Variants in CD300A observed in about 807,000 individuals in gnomAD.
CD300A encodes CMRF35-like molecule 8.
Under a neutral mutation model 33.6 loss-of-function variants are expected in CD300A, and 22 were observed. The ratio of observed to expected loss-of-function variants is 0.66; its 90% CI spans 0.47 to 0.94. CD300A has a LOEUF of 0.94. Among genes scored for constraint, CD300A ranks in the 40% least tolerant of loss-of-function variants. CD300A has a pLI of 0.00. For missense variants in CD300A, 326 were observed against 360.5 expected, an observed-to-expected ratio of 0.90 and a Z score of 0.77; for synonymous variants, 136 against 148.1, an observed-to-expected ratio of 0.92 and a Z score of 0.59.
At chr17:74,482,898 C>T (rs1024690834) in intron 6 of CD300A, among the ~76,000 whole-genome samples, 1 of 151,488 alleles carries the variant, frequency 6.6e-6, no homozygotes, top group African/African-American at 2.4e-5. Flanking sequence ...TTAGTAGAGA[C>T]GGGGCTTCAC....
chr17:74,483,424 C>A (rs1181338127), intron 6 of CD300A, among the ~76,000 whole-genome samples: 1 of 149,380 alleles, frequency 6.7e-6, no homozygotes, highest in Non-Finnish European at 1.5e-5. Context: ...GTGGTGCAAT[C>A]TTGGCCATTG....
At chr17:74,482,701 T>C (rs28547513) in intron 6 of CD300A, among the ~76,000 whole-genome samples, 12,335 of 109,768 alleles carry the variant, frequency 0.11, 934 homozygotes, top group South Asian at 0.22. Flanking sequence ...TTCCTTCCTT[T>C]CTTTCTTTCT....
At chr17:74,478,198 G>T (rs1191186038) in intron 4 of CD300A, among the ~76,000 whole-genome samples, 1 of 152,208 alleles carries the variant, frequency 6.6e-6, no homozygotes, top group Non-Finnish European at 1.5e-5. Flanking sequence ...GTGGTCCTCA[G>T]ACTTTCTTTT....
chr17:74,466,802 G>A, intron 1 of CD300A, 59 bp downstream of exon 1: 2 of 1,555,836 alleles, frequency 1.3e-6, no homozygotes, highest in Non-Finnish European at 1.7e-6. Flanking sequence ...GAGGGGCAGG[G>A]CCGCAGGGCA....
At position 74,466,740 on chromosome 17, in the gene CD300A, C is replaced by G. The variant is rs149797027; in HGVS notation, c.37C>G (p.Pro13Ala). ...LPWALLLLWVPGCFALSKCRT... is the reference protein window; with the variant it reads ...LPWALLLLWVAGCFALSKCRT... ...TTGGGCTCTGTTGCTTCTCTGGGTC[C>G]CAGGTGAGAGTTTCCCTTCCCGGGA... Residue 13 changes from proline (P) to alanine (A), a missense_variant, in exon 1 of 7, where the codon CCA becomes GCA. Pro to Ala is a conservative substitution (Grantham distance 27). Transcript: ENST00000360141. 4.5e-5 allele frequency: 72 copies of G among 1,591,924 alleles called. No homozygotes were observed. The African/African-American group carries it at 8.6e-4, about 19-fold the overall frequency.
chr17:74,467,169 T>G (rs916757603), intron 1 of CD300A, among the ~76,000 whole-genome samples: 111 of 25,294 alleles, frequency 4.4e-3, no homozygotes, highest in Middle Eastern at 0.031. Context: ...GAGGGGGGTG[T>G]GGGGAGGGTG....
chr17:74,473,011 C>G (rs978702409), intron 1 of CD300A, among the ~76,000 whole-genome samples: 4 of 151,980 alleles, frequency 2.6e-5, no homozygotes, highest in African/African-American at 9.7e-5. Flanking sequence ...TGCAGGGTTG[C>G]CCAGGGCTGG....
intron 4 of CD300A, among the ~76,000 whole-genome samples, chr17:74,478,185 A>C (rs552930371): frequency 5.3e-5 from 8 of 152,152 alleles, no homozygotes; most frequent in African/African-American, 1.9e-4. Flanking sequence ...GTGGACTCCA[A>C]CAGTGGTCCT....
chr17:74,474,253 C>T (rs1906313971), intron 2 of CD300A, among the ~76,000 whole-genome samples: 1 of 152,096 alleles, frequency 6.6e-6, no homozygotes. Context: ...GTCAGATTTG[C>T]AGTGTAGACA....
Position 74,477,445 on chromosome 17 carries a change from G to A in CD300A, c.543G>A (p.Leu181=). ...TEEVVNSQLP[L]LLSLLALLLL... The stretch of plus-strand genomic sequence containing the variant: ...CCTGTGCCTCCTCCAGGCTCCCGCT[G>A]CTCCTCTCCCTGCTGGCATTGTTGC... Residue 181 remains leucine (L), a synonymous_variant, in exon 4 of 7, where the codon CTG becomes CTA. Transcript: ENST00000360141. The A allele has an allele frequency of 6.2e-7, 1 of 1,613,606 alleles. No individual in the cohort carries two copies. Among genetic ancestry groups the A allele is most frequent in the South Asian group, 1.1e-5 (1 of 91,060 alleles).
intron 1 of CD300A, chr17:74,466,976 C>A (rs1205925268): frequency 1.4e-6 from 2 of 1,405,858 alleles, no homozygotes; most frequent in South Asian, 1.6e-5. Context: ...TGAACCACAG[C>A]GGGGCAAGTG....
chr17:74,473,552 C>A lies in CD300A; in HGVS notation c.57C>A (p.Ser19Arg). ...GTTTTCCAGGATGTTTTGCTCTGAG[C>A]AAATGCAGGACCGTGGCGGGCCCCG... ...LLWVPGCFAL[S>R]KCRTVAGPVG... The change falls in exon 2 of 7, where the codon AGC becomes AGA. Residue 19 changes from serine (S) to arginine (R), a missense_variant. Physicochemically the swap from Ser to Arg is moderately radical, Grantham distance 110. Coordinates refer to ENST00000360141, the MANE Select transcript of CD300A (RefSeq NM_007261.4). 1.2e-6 allele frequency: 2 copies of A among 1,613,192 alleles called. No individual in the cohort carries two copies. The highest frequency in any genetic ancestry group is 1.7e-6 in the Non-Finnish European group (2 of 1,179,352).
At position 74,473,602 on chromosome 17, in the gene CD300A, G is replaced by T; in HGVS notation, c.107G>T (p.Cys36Phe). Reference sequence around the variant, plus strand: ...GTGGGGGGATCCCTGAGTGTGCAGTGTCCCTATGAGAAGGAACACAGGACC... The same window carrying T: ...GTGGGGGGATCCCTGAGTGTGCAGTTTCCCTATGAGAAGGAACACAGGACC... ...GPVGGSLSVQ[C>F]PYEKEHRTLN... Residue 36 changes from cysteine (C) to phenylalanine (F), a missense_variant, in exon 2 of 7, where the codon TGT becomes TTT. Coordinates refer to ENST00000360141, the MANE Select transcript of CD300A (RefSeq NM_007261.4). 1 of 1,614,234 alleles carries T rather than the reference G, an allele frequency of 6.2e-7. No individual in the cohort carries two copies. The highest frequency in any genetic ancestry group is 2.2e-5 in the East Asian group (1 of 44,884).
intron 1 of CD300A, among the ~76,000 whole-genome samples, chr17:74,467,966 GGAA>G (rs1905834461): frequency 6.6e-6 from 1 of 152,082 alleles, no homozygotes; most frequent in Non-Finnish European, 1.5e-5. Context: ...CTCATTATTA[GGAA>G]GAAGGGATCC....
intron 1 of CD300A, chr17:74,469,953 A>G (rs1905986138): frequency 2.0e-6 from 2 of 985,298 alleles, no homozygotes; most frequent in Non-Finnish European, 2.4e-6. Context: ...CAGTTCGTGA[A>G]AGATGACCTG....
chr17:74,470,348 GT>G, intron 1 of CD300A: 4 of 560,732 alleles, frequency 7.1e-6, no homozygotes, highest in Non-Finnish European at 9.0e-6. Context: ...TTGGGTGACA[GT>G]TTTTTATCCA....
chr17:74,473,975 T>TGC, intron 2 of CD300A, 101 bp downstream of exon 2: 1 of 1,327,528 alleles, frequency 7.5e-7, no homozygotes, highest in South Asian at 1.4e-5. Context: ...TGTGTGTGTG[T>TGC]GCGTAAGAGA....
chr17:74,474,058 G>A (rs1567980280), intron 2 of CD300A, among the ~76,000 whole-genome samples, 184 bp downstream of exon 2: 1 of 152,144 alleles, frequency 6.6e-6, no homozygotes, highest in Non-Finnish European at 1.5e-5. Context: ...GCCCAGTATT[G>A]AAGAAGGGAA....
intron 2 of CD300A, 101 bp from the exon 3 acceptor site, chr17:74,474,431 C>G (rs2144517238): frequency 8.3e-7 from 1 of 1,209,170 alleles, no homozygotes; most frequent in East Asian, 2.3e-5. Context: ...TGCCCCCTTC[C>G]TTAGTGGGCA....
Sources: gnomAD v4.1 joint callset for allele counts (sites outside exome capture counted in the v4.1 genomes callset) on GRCh38, gnomAD v4.1.1 for gene constraint, MANE v1.5 for transcripts, NCBI Gene and HGNC (gene_info 2026-07-23, HGNC 2026-07-21) for gene names.